Variants in TPH2 observed in about 807,000 individuals in gnomAD.
TPH2 encodes the protein tryptophan hydroxylase 2.
In TPH2, 27 loss-of-function variants were observed where a neutral mutation model predicts 59.1. The ratio of observed to expected loss-of-function variants is 0.46; its 90% CI spans 0.34 to 0.63. TPH2 has a LOEUF of 0.63. TPH2 is among the 30% of genes least tolerant of loss of function. TPH2 has a pLI of 0.01. For synonymous variants in TPH2, 220 were observed against 210.5 expected, an observed-to-expected ratio of 1.05 and a Z score of -0.39; for missense variants, 523 against 588.3, an observed-to-expected ratio of 0.89 and a Z score of 1.15.
chr12:71,973,717 T>C (rs1431968148), intron 6 of TPH2, among the ~76,000 whole-genome samples: 1 of 152,238 alleles, frequency 6.6e-6, no homozygotes, highest in Non-Finnish European at 1.5e-5. Flanking sequence ...TTTGAATTCT[T>C]TGCGTGAGAT....
chr12:72,021,590 C>T (rs963767108), intron 8 of TPH2, among the ~76,000 whole-genome samples: 1 of 152,026 alleles, frequency 6.6e-6, no homozygotes, highest in Non-Finnish European at 1.5e-5. Flanking sequence ...CAACTGTAGA[C>T]TAATGTAAGT....
chr12:72,028,296 T>G (rs1338269049), intron 9 of TPH2, among the ~76,000 whole-genome samples: 1 of 152,064 alleles, frequency 6.6e-6, no homozygotes, highest in Non-Finnish European at 1.5e-5. Context: ...ATCAAGTAGT[T>G]TGGTTCAATG....
chr12:71,949,004 G>C (rs1343057283), intron 4 of TPH2, among the ~76,000 whole-genome samples: 2 of 152,168 alleles, frequency 1.3e-5, no homozygotes, highest in Non-Finnish European at 2.9e-5. Context: ...AGAAGTCAGA[G>C]TGAAATGGTG....
chr12:71,962,316 A>G, intron 5 of TPH2: 3 of 985,458 alleles, frequency 3.0e-6, no homozygotes, highest in Non-Finnish European at 3.6e-6. Context: ...TTTGAAGTTC[A>G]TTCATTACAA....
chr12:72,009,122 A>G (rs761463004), intron 8 of TPH2, among the ~76,000 whole-genome samples: 28 of 152,156 alleles, frequency 1.8e-4, no homozygotes, highest in African/African-American at 6.8e-4. Context: ...CCAGTGGCCA[A>G]TTGATCAGAG....
intron 7 of TPH2, among the ~76,000 whole-genome samples, chr12:71,986,662 C>T (rs1171351211): frequency 7.6e-6 from 1 of 132,342 alleles, no homozygotes; most frequent in East Asian, 2.4e-4. Flanking sequence ...AGATTCAAAG[C>T]AGGATTCCTT....
At chr12:71,962,247 A>C in intron 5 of TPH2, 3 of 985,412 alleles carry the variant, frequency 3.0e-6, no homozygotes, top group Non-Finnish European at 2.4e-6. Flanking sequence ...CTGATTTGTG[A>C]GTTTTTGTTT....
intron 4 of TPH2, among the ~76,000 whole-genome samples, chr12:71,946,240 C>T (rs1023389948): frequency 1.3e-5 from 2 of 152,142 alleles, no homozygotes; most frequent in African/African-American, 4.8e-5. Flanking sequence ...ATGCTTAATT[C>T]CAGAAATAGA....
At chr12:71,986,075 G>A (rs1301644943) in intron 7 of TPH2, among the ~76,000 whole-genome samples, 1 of 152,216 alleles carries the variant, frequency 6.6e-6, no homozygotes, top group Non-Finnish European at 1.5e-5. Context: ...GGGCAGTAAT[G>A]CAGGTAGGAG....
intron 6 of TPH2, among the ~76,000 whole-genome samples, chr12:71,975,047 T>C (rs1872078341): frequency 6.6e-6 from 1 of 152,160 alleles, no homozygotes; most frequent in Non-Finnish European, 1.5e-5. Context: ...GCCATTTTAA[T>C]GTGTCTATTA....
intron 8 of TPH2, among the ~76,000 whole-genome samples, chr12:72,014,637 C>T (rs537746855): frequency 2.6e-5 from 4 of 151,976 alleles, no homozygotes; most frequent in African/African-American, 4.8e-5. Flanking sequence ...GTGATCTACC[C>T]GCCTTGGCCT....
intron 8 of TPH2, among the ~76,000 whole-genome samples, chr12:71,997,265 C>T (rs1440713156): frequency 3.9e-5 from 6 of 152,134 alleles, no homozygotes; most frequent in African/African-American, 1.2e-4. Context: ...GTGCTTCTAA[C>T]GGCTTCTATG....
At chr12:72,029,887 T>C (rs1873675224) in intron 9 of TPH2, among the ~76,000 whole-genome samples, 1 of 152,106 alleles carries the variant, frequency 6.6e-6, no homozygotes, top group Admixed American at 6.6e-5. Flanking sequence ...CATTTTGAAA[T>C]TGTTGGAGGA....
Position 72,031,401 on chromosome 12 carries a change from T to C in TPH2, c.1298+10T>C, listed in dbSNP as rs1416011363. The C allele has an allele frequency of 6.2e-7, 1 of 1,613,602 alleles. No individual in the cohort carries two copies. The highest frequency in any genetic ancestry group is 1.7e-5 in the Admixed American group (1 of 59,962). On this transcript the variant is annotated intron_variant, in intron 10 of 10. Coordinates refer to ENST00000333850, the MANE Select transcript of TPH2 (RefSeq NM_173353.4). ...CCAAAGAAAAGATGAGGTAAACTTT[T>C]TTTTCCTCCTAGCTAGAGAAAATAA...
chr12:71,961,674 ATTG>A (rs1871686803), intron 5 of TPH2: 3 of 1,351,312 alleles, frequency 2.2e-6, no homozygotes, highest in Non-Finnish European at 2.0e-6. Flanking sequence ...TGTTAGATCC[ATTG>A]TTGTTGCTGT....
chr12:71,950,250 G>A (rs1002696868), intron 5 of TPH2, among the ~76,000 whole-genome samples: 14 of 152,248 alleles, frequency 9.2e-5, no homozygotes, highest in African/African-American at 2.2e-4. Flanking sequence ...ACTCGCATCC[G>A]TGTGAAGAGA....
chr12:72,016,814 G>A (rs1338862600), intron 8 of TPH2, among the ~76,000 whole-genome samples: 1 of 152,126 alleles, frequency 6.6e-6, no homozygotes, highest in East Asian at 1.9e-4. Flanking sequence ...ATATCCTGGA[G>A]GAAGTGAAAG....
In TPH2 at chr12:71,938,947, G is replaced by A; in HGVS notation, c.-40G>A. ...CGCCAGCGCTGCTACTGCCCCTCTAGTACCCCCTGCTGCAGAGAAAGAATA... is the reference window on the plus strand; with the variant it reads ...CGCCAGCGCTGCTACTGCCCCTCTAATACCCCCTGCTGCAGAGAAAGAATA... On this transcript the variant is annotated 5_prime_UTR_variant, in exon 1 of 11. Transcript: ENST00000333850. 1 of 1,550,560 alleles carries A rather than the reference G, an allele frequency of 6.4e-7. No homozygotes were observed. Among genetic ancestry groups the A allele is most frequent in the South Asian group, 1.1e-5 (1 of 89,748 alleles).
Position 72,021,397 on chromosome 12 carries a change from A to G in TPH2, c.1069-1002A>G, listed in dbSNP as rs868532220. Among the ~76,000 whole-genome samples the G allele has an allele frequency of 7.0e-3, 940 of 134,382 alleles. 12 individuals are homozygous for G. The highest frequency in any genetic ancestry group is 0.027 in the African/African-American group (858 of 31,970). 88.2% of individuals were successfully genotyped at this position (134,382 alleles called of 152,430 possible). A position where few individuals can be genotyped will look rare whatever the true frequency, so the allele number is the denominator to read the frequency against. ...TGTGTGTGTGTGTGTGTGTGTGTGT[A>G]TGTGTGTATAACATCCGCCCCACTG... On this transcript the variant is annotated intron_variant, in intron 8 of 10. Coordinates refer to ENST00000333850, the MANE Select transcript of TPH2 (RefSeq NM_173353.4).
Sources: gnomAD v4.1 joint callset for allele counts (sites outside exome capture counted in the v4.1 genomes callset) on GRCh38, gnomAD v4.1.1 for gene constraint, MANE v1.5 for transcripts, NCBI Gene and HGNC (gene_info 2026-07-23, HGNC 2026-07-21) for gene names.